Variants in ATP2B2 observed in about 807,000 individuals in gnomAD.
The protein encoded by ATP2B2 is ATPase plasma membrane Ca2+ transporting 2.
Under a neutral mutation model 120.0 loss-of-function variants are expected in ATP2B2, and 15 were observed. The ratio of observed to expected loss-of-function variants is 0.12; its 90% confidence interval spans 0.08 to 0.19. The LOEUF is 0.19. Ranked by LOEUF, ATP2B2 falls within the 10% of genes least tolerant of loss-of-function variation. The probability of loss-of-function intolerance (pLI) is 1.00; values close to 1 mark genes in which losing one functional copy is unlikely to be tolerated. For synonymous variants in ATP2B2, 694 were observed against 700.3 expected, an observed-to-expected ratio of 0.99 and a Z score of 0.14; for missense variants, 1,045 against 1,719.8, an observed-to-expected ratio of 0.61 and a Z score of 6.94.
intron 2 of ATP2B2, among the ~76,000 whole-genome samples, chr3:10,436,010 G>T (rs2063469533): frequency 1.3e-5 from 2 of 152,198 alleles, no homozygotes; most frequent in African/African-American, 4.8e-5. Context: ...GTGACGATCA[G>T]TCAAAGTGTC....
chr3:10,596,036 C>T (rs11925215), intron 2 of ATP2B2, among the ~76,000 whole-genome samples: 6,875 of 152,142 alleles, frequency 0.045, 509 homozygotes, highest in African/African-American at 0.16. Flanking sequence ...GTAAGCTGCC[C>T]GCTTGTCACT....
intron 2 of ATP2B2, among the ~76,000 whole-genome samples, chr3:10,606,892 C>CACACACACACACAA: frequency 3.7e-5 from 1 of 26,704 alleles, no homozygotes; most frequent in Non-Finnish European, 9.4e-5. Flanking sequence ...CACACACACA[C>CACACACACACACAA]ACACACACAC....
intron 2 of ATP2B2, among the ~76,000 whole-genome samples, chr3:10,535,387 G>GTA (rs1478691098): frequency 5.4e-5 from 3 of 55,768 alleles, no homozygotes; most frequent in African/African-American, 1.7e-4. Context: ...GCAGTTTGAT[G>GTA]TGTGTGTGTG....
chr3:10,516,502 G>A (rs1432876604), intron 3 of ATP2B2, among the ~76,000 whole-genome samples: 1 of 152,206 alleles, frequency 6.6e-6, no homozygotes, highest in African/African-American at 2.4e-5. Flanking sequence ...TTAGCTGCCA[G>A]CACCTCAGAT....
intron 1 of ATP2B2, among the ~76,000 whole-genome samples, chr3:10,632,333 C>T (rs1198903522): frequency 2.0e-5 from 3 of 152,206 alleles, no homozygotes; most frequent in Admixed American, 2.0e-4. Context: ...GCTCGTCTCC[C>T]CGTTTTCACG....
chr3:10,425,016 C>T (rs897158087), intron 2 of ATP2B2, among the ~76,000 whole-genome samples: 2 of 152,032 alleles, frequency 1.3e-5, no homozygotes, highest in South Asian at 4.2e-4. Flanking sequence ...TTTGGCTGGG[C>T]ACGGTGGCTC....
chr3:10,560,944 T>C (rs1328135416), intron 2 of ATP2B2, among the ~76,000 whole-genome samples: 1 of 152,146 alleles, frequency 6.6e-6, no homozygotes, highest in Non-Finnish European at 1.5e-5. Flanking sequence ...GACCTATGTA[T>C]GTACTACTCC....
intron 19 of ATP2B2, among the ~76,000 whole-genome samples, chr3:10,341,207 C>A (rs1022107867): frequency 6.6e-6 from 1 of 152,144 alleles, no homozygotes; most frequent in Non-Finnish European, 1.5e-5. Flanking sequence ...TGGCTCTGGA[C>A]CCTCCCATGT....
chr3:10,525,308 G>A (rs1245144436), intron 3 of ATP2B2, among the ~76,000 whole-genome samples: 1 of 152,214 alleles, frequency 6.6e-6, no homozygotes, highest in African/African-American at 2.4e-5. Flanking sequence ...CCCTGAGTAA[G>A]AGGCTTTGCT....
At chr3:10,665,438 G>C (rs530053443) in intron 1 of ATP2B2, among the ~76,000 whole-genome samples, 2 of 152,086 alleles carry the variant, frequency 1.3e-5, no homozygotes, top group Non-Finnish European at 2.9e-5. Context: ...CTCTGTGCAC[G>C]GCATGCACCT....
At chr3:10,555,713 C>T (rs2067763699) in intron 2 of ATP2B2, among the ~76,000 whole-genome samples, 1 of 152,212 alleles carries the variant, frequency 6.6e-6, no homozygotes, top group Non-Finnish European at 1.5e-5. Context: ...TGGGGAGAAG[C>T]CCATAAGATG....
At chr3:10,388,119 C>G in intron 6 of ATP2B2, 158 bp downstream of exon 6, 2 of 1,024,980 alleles carry the variant, frequency 2.0e-6, no homozygotes, top group South Asian at 2.6e-5. Context: ...CAGAGCCTAC[C>G]TGGCCCATGC....
intron 22 of ATP2B2, among the ~76,000 whole-genome samples, chr3:10,334,510 G>A (rs26314): frequency 0.23 from 34,670 of 152,114 alleles, 4,827 homozygotes; most frequent in East Asian, 0.53. Context: ...GGATGGGACC[G>A]GTGTTGCCTT....
At chr3:10,560,301 G>A (rs1433118037) in intron 2 of ATP2B2, among the ~76,000 whole-genome samples, 1 of 152,194 alleles carries the variant, frequency 6.6e-6, no homozygotes, top group Non-Finnish European at 1.5e-5. Context: ...GACGGCTGGA[G>A]TCAGCCCAGG....
chr3:10,343,543 C>G lies in ATP2B2; in HGVS notation c.2704-578G>C, dbSNP rs1473964047. 6.6e-6 allele frequency among the ~76,000 whole-genome samples: 1 copy of G among 152,076 alleles called. No individual in the cohort carries two copies. Among genetic ancestry groups the G allele is most frequent in the Non-Finnish European group, 1.5e-5 (1 of 68,022 alleles). ...AAAAGCAACTAAAACTGTCAAGGAC[C>G]TCACCACTTTTAGGTCACCACTGTC... is the stretch of plus-strand genomic sequence containing the variant. On this transcript the variant is annotated intron_variant, in intron 18 of 22. Transcript: ENST00000360273. The surrounding 1 kb of genome is among the most constrained non-coding windows in gnomAD (Gnocchi z 4.2).
intron 3 of ATP2B2, among the ~76,000 whole-genome samples, chr3:10,404,459 T>C (rs1007691929): frequency 1.3e-5 from 2 of 152,242 alleles, no homozygotes; most frequent in African/African-American, 4.8e-5. Context: ...GTTTTTCTCA[T>C]CTGCAAAATG....
chr3:10,650,556 A>G (rs9845591), intron 1 of ATP2B2, among the ~76,000 whole-genome samples: 45,968 of 151,968 alleles, frequency 0.3, 10,504 homozygotes, highest in African/African-American at 0.64. Flanking sequence ...AGAAATTTGC[A>G]TAAGTAACAA....
chr3:10,537,458 A>G (rs2067343664), intron 2 of ATP2B2, among the ~76,000 whole-genome samples: 1 of 152,168 alleles, frequency 6.6e-6, no homozygotes, highest in South Asian at 2.1e-4. Flanking sequence ...TGTAAATGGC[A>G]TTGTATTTAA....
chr3:10,497,172 C>T (rs935872647), intron 1 of ATP2B2, among the ~76,000 whole-genome samples: 2 of 152,212 alleles, frequency 1.3e-5, no homozygotes, highest in African/African-American at 4.8e-5. Context: ...GCCCTAATTA[C>T]CCTGTGGATC....
Sources: allele counts gnomAD v4.1 joint callset (sites outside exome capture counted in the v4.1 genomes callset), GRCh38; gene constraint gnomAD v4.1.1; non-coding constraint Gnocchi (gnomAD v3.1); transcripts MANE v1.5; gene names NCBI Gene and HGNC (gene_info 2026-07-23, HGNC 2026-07-21).